Variants in UGCG observed in about 807,000 individuals in gnomAD.
The protein encoded by UGCG is ceramide glucosyltransferase.
Under a neutral mutation model 49.5 loss-of-function variants are expected in UGCG, and 10 were observed. The ratio of observed to expected loss-of-function variants is 0.20; its 90% CI spans 0.12 to 0.34. UGCG has a LOEUF of 0.34. UGCG is among the 10% of genes least tolerant of loss of function. UGCG has a pLI of 1.00. For synonymous variants in UGCG, 182 were observed against 158.2 expected (o/e 1.15, Z -1.13); for missense variants, 312 against 483.7 (o/e 0.65, Z 3.33).
At chr9:111,903,548 G>A (rs1564197278) in intron 1 of UGCG, among the ~76,000 whole-genome samples, 1 of 152,228 alleles carries the variant, frequency 6.6e-6, no homozygotes, top group East Asian at 1.9e-4. Context: ...GTGGGTGACA[G>A]AGCAAGACTC....
intron 3 of UGCG, among the ~76,000 whole-genome samples, chr9:111,923,562 G>A (rs149359824): frequency 6.6e-6 from 1 of 152,016 alleles, no homozygotes; most frequent in Non-Finnish European, 1.5e-5. Context: ...ATCAGCTCAT[G>A]GTCAGAGATG....
chr9:111,905,091 TCTGTTC>T (rs1170885138), intron 1 of UGCG, among the ~76,000 whole-genome samples: 3 of 152,160 alleles, frequency 2.0e-5, no homozygotes, highest in Non-Finnish European at 4.4e-5. Context: ...CTAGAAGCCG[TCTGTTC>T]CACCCTTTGG....
Position 111,914,766 on chromosome 9 carries a change from TTTTTG to T in UGCG, c.240+43_240+47del, listed in dbSNP as rs140717465. On this transcript the variant is annotated intron_variant, in intron 2 of 8. Coordinates refer to ENST00000374279, the MANE Select transcript of UGCG (RefSeq NM_003358.3). ...CCCAAAGTAAGTTCAGTGTTACGGT[TTTTTG>T]TTTTGTTTTGTTTTGTTTTGTTCCC... The T allele has an allele frequency of 0.38, 616,372 of 1,604,262 alleles. 123,418 individuals are homozygous for T. Among genetic ancestry groups the T allele is most frequent in the African/African-American group, 0.63 (46,557 of 74,070 alleles).
At chr9:111,923,048 G>C (rs1168995358) in intron 3 of UGCG, 97 bp downstream of exon 3, 5 of 734,972 alleles carry the variant, frequency 6.8e-6, no homozygotes, top group Admixed American at 3.1e-5. Context: ...AGCCATGTTT[G>C]TTTTAAACAT....
chr9:111,911,732 CATAAAAAA>C (rs772020680), intron 1 of UGCG, among the ~76,000 whole-genome samples: 29 of 150,868 alleles, frequency 1.9e-4, no homozygotes, highest in Non-Finnish European at 3.8e-4. Context: ...ACCCCATCTC[CATAAAAAA>C]ATAAAAAAAT....
At chr9:111,918,201 C>T (rs1278456839) in intron 2 of UGCG, among the ~76,000 whole-genome samples, 1 of 152,090 alleles carries the variant, frequency 6.6e-6, no homozygotes, top group Admixed American at 6.5e-5. Context: ...GCCACTACCG[C>T]TGGCTAATTT....
At chr9:111,899,626 G>A (rs1321962768) in intron 1 of UGCG, among the ~76,000 whole-genome samples, 1 of 152,056 alleles carries the variant, frequency 6.6e-6, no homozygotes, top group Admixed American at 6.6e-5. Context: ...AGGTAGATAG[G>A]TCTTTCCGTT....
intron 1 of UGCG, among the ~76,000 whole-genome samples, chr9:111,905,526 G>A (rs1037860651): frequency 1.3e-5 from 2 of 151,780 alleles, no homozygotes; most frequent in African/African-American, 2.4e-5. Context: ...CACAATCTTG[G>A]CTCACTGCAA....
chr9:111,906,307 T>C (rs1837881283), intron 1 of UGCG, among the ~76,000 whole-genome samples: 1 of 152,194 alleles, frequency 6.6e-6, no homozygotes, highest in Non-Finnish European at 1.5e-5. Context: ...GGTATACCCC[T>C]CATTATCCCT....
At chr9:111,899,083 C>T (rs1397014934) in intron 1 of UGCG, among the ~76,000 whole-genome samples, 1 of 152,026 alleles carries the variant, frequency 6.6e-6, no homozygotes, top group East Asian at 1.9e-4. Flanking sequence ...TTTAGTTTAC[C>T]AGGTACCAAG....
intron 1 of UGCG, among the ~76,000 whole-genome samples, chr9:111,898,518 A>G (rs772554012): frequency 6.6e-6 from 1 of 151,960 alleles, no homozygotes; most frequent in Admixed American, 6.6e-5. Flanking sequence ...GGTTATACTG[A>G]TATTTCTTTG....
intron 3 of UGCG, 130 bp downstream of exon 3, chr9:111,923,081 G>A: frequency 2.1e-6 from 1 of 470,344 alleles, no homozygotes; most frequent in Non-Finnish European, 3.5e-6. Flanking sequence ...ACTGAGAGGT[G>A]TTTACGTCCT....
At chr9:111,912,907 G>C (rs571409945) in intron 1 of UGCG, among the ~76,000 whole-genome samples, 6 of 152,126 alleles carry the variant, frequency 3.9e-5, no homozygotes, top group Admixed American at 3.9e-4. Flanking sequence ...GTGTGTGTGC[G>C]TGTGTGCACG....
chr9:111,914,302 G>A (rs548836671), intron 1 of UGCG, among the ~76,000 whole-genome samples: 6 of 152,224 alleles, frequency 3.9e-5, no homozygotes, highest in African/African-American at 7.2e-5. Context: ...TCCCTTGGTC[G>A]TATTGGAAGA....
chr9:111,932,088 A>ATTGATTAT (rs745487499), intron 7 of UGCG, 82 bp from the exon 8 acceptor site: 1 of 1,433,342 alleles, frequency 7.0e-7, no homozygotes, highest in South Asian at 1.3e-5. Flanking sequence ...GGGTAAAAAA[A>ATTGATTAT]TTGATTATTT....
At chr9:111,898,106 A>G (rs746810648) in intron 1 of UGCG, among the ~76,000 whole-genome samples, 11 of 151,304 alleles carry the variant, frequency 7.3e-5, no homozygotes, top group Non-Finnish European at 1.5e-4. Context: ...AAATCTAAAT[A>G]AGGTTATGAG....
In UGCG at chr9:111,915,672, G is replaced by C. The variant is rs1001220808; in HGVS notation, c.240+926G>C. 7 of 604,078 alleles carry C rather than the reference G, an allele frequency of 1.2e-5. No individual in the cohort carries two copies. In the African/African-American group the frequency reaches 1.4e-4, roughly 12 times the overall value. 37.4% of individuals were successfully genotyped at this position (604,078 alleles called of 1,614,324 possible). ...GTCCCTCTTAATTTTTTTGGACAGG[G>C]TAGCTCAAATAATCAGAAGGAAGAT... On this transcript the variant is annotated intron_variant, in intron 2 of 8. Coordinates refer to ENST00000374279, the MANE Select transcript of UGCG (RefSeq NM_003358.3).
intron 2 of UGCG, among the ~76,000 whole-genome samples, chr9:111,918,010 G>GT (rs771974090): frequency 2.0e-5 from 3 of 151,586 alleles, no homozygotes; most frequent in East Asian, 1.9e-4. Context: ...TCATAACTAT[G>GT]ATTTTTTTTT....
Position 111,897,126 on chromosome 9 carries a change from C to T in UGCG, c.-90C>T, listed in dbSNP as rs1023126288. ...ACCTTCCTCTCGCCTCCCGCGCCCC[C>T]GCACCGGGCGCCCACCCTGTCCTCC... On this transcript the variant is annotated 5_prime_UTR_variant, in exon 1 of 9. Transcript: ENST00000374279. 2 of 1,156,590 alleles carry T rather than the reference C, an allele frequency of 1.7e-6. No individual in the cohort carries two copies. The highest frequency in any genetic ancestry group is 1.6e-5 in the African/African-American group (1 of 62,560). 71.6% of individuals were successfully genotyped at this position (1,156,590 alleles called of 1,614,324 possible).
Sources: gnomAD v4.1 joint callset for allele counts (sites outside exome capture counted in the v4.1 genomes callset) on GRCh38, gnomAD v4.1.1 for gene constraint, MANE v1.5 for transcripts, NCBI Gene and HGNC (gene_info 2026-07-23, HGNC 2026-07-21) for gene names.